MAP3K15: variants seen among roughly 807,000 people sequenced by gnomAD.
The protein encoded by MAP3K15 is MAPK/ERK kinase kinase 15.
A neutral mutation model predicts 99.5 loss-of-function variants in MAP3K15; 124 were observed. The observed-to-expected ratio is 1.25, with a 90% CI of 1.08 to 1.45. MAP3K15 has a LOEUF of 1.45. Ranked by LOEUF, MAP3K15 falls within the 40% of genes most tolerant of loss-of-function variation. MAP3K15 has a pLI of 0.00. For synonymous variants in MAP3K15, 494 were observed against 439.6 expected, an observed-to-expected ratio of 1.12 and a Z score of -1.55; for missense variants, 1,242 against 1,079.7, an observed-to-expected ratio of 1.15 and a Z score of -2.11.
At chrX:19,468,661 T>C (rs1284812979) in intron 3 of MAP3K15, among the ~76,000 whole-genome samples, 3 of 111,897 alleles carry the variant, frequency 2.7e-5, no homozygotes, top group Admixed American at 9.5e-5. Flanking sequence ...AAGAAAGTCA[T>C]TGGTAGCTTG....
intron 3 of MAP3K15, among the ~76,000 whole-genome samples, chrX:19,474,282 T>C (rs1186532574): frequency 9.0e-6 from 1 of 111,075 alleles, no homozygotes; most frequent in Non-Finnish European, 1.9e-5. Context: ...AACTCAAGCA[T>C]AGCAATGTAG....
At chrX:19,435,361 G>A (rs1372745801) in intron 6 of MAP3K15, among the ~76,000 whole-genome samples, 3 of 110,269 alleles carry the variant, frequency 2.7e-5, no homozygotes, top group Non-Finnish European at 3.8e-5. Context: ...AAGTAGCTGT[G>A]ACTACAGGCA....
At chrX:19,387,462 C>T (rs973202630) in intron 18 of MAP3K15, among the ~76,000 whole-genome samples, 10 of 112,160 alleles carry the variant, frequency 8.9e-5, no homozygotes, top group African/African-American at 2.9e-4. Flanking sequence ...TTATGACTCA[C>T]TGCAGCCTCA....
Position 19,361,345 on chromosome X carries a change from C to T in MAP3K15, c.3851G>A (p.Arg1284Gln), listed in dbSNP as rs2063284686. The change falls in exon 28 of 29, where the codon CGA (arginine) becomes CAA (glutamine). Residue 1284 changes from arginine to glutamine, a missense_variant. By Grantham distance (43) the Arg-to-Gln change is conservative. Transcript: ENST00000338883. ...EITKEDLRYLRLRGGLLCRLW... is the reference protein window; with the variant it reads ...EITKEDLRYLQLRGGLLCRLW... Reference sequence around the variant, plus strand: ...ACTGTTTTGAGGCTCTTACCGTAGTCGAAGGTATCTTAGATCTTCCTTAGT... The same window carrying T: ...ACTGTTTTGAGGCTCTTACCGTAGTTGAAGGTATCTTAGATCTTCCTTAGT... 8 of 1,201,981 alleles carry T rather than the reference C, an allele frequency of 6.7e-6. No homozygotes were observed. The highest frequency in any genetic ancestry group is 3.6e-5 in the South Asian group (2 of 56,240).
At chrX:19,482,252 A>G (rs1231188075) in intron 3 of MAP3K15, 2 of 106,912 alleles carry the variant, frequency 1.9e-5, no homozygotes, top group Non-Finnish European at 3.9e-5. Context: ...ATCCAAGAGG[A>G]AAAAAAAAAT....
At chrX:19,378,767 G>A (rs867947712) in intron 19 of MAP3K15, among the ~76,000 whole-genome samples, 4 of 111,712 alleles carry the variant, frequency 3.6e-5, no homozygotes, top group Admixed American at 9.5e-5. Context: ...TCAGCTTCCC[G>A]TGAGGTCACA....
At chrX:19,407,342 CA>C in intron 12 of MAP3K15, 59 bp from the exon 13 acceptor site, 1 of 624,526 alleles carries the variant, frequency 1.6e-6, no homozygotes, top group African/African-American at 2.3e-5. Context: ...TCTAAATCTG[CA>C]AGACAATCTT....
At chrX:19,460,626 T>C (rs1053647349) in intron 4 of MAP3K15, among the ~76,000 whole-genome samples, 3 of 111,416 alleles carry the variant, frequency 2.7e-5, no homozygotes, top group African/African-American at 9.8e-5. Flanking sequence ...CCAATTGAGG[T>C]GAGGGCTGGA....
intron 9 of MAP3K15, among the ~76,000 whole-genome samples, chrX:19,417,825 G>T (rs1362015323): frequency 1.8e-5 from 2 of 111,771 alleles, no homozygotes; most frequent in Non-Finnish European, 3.8e-5. Context: ...ACACGGCTGG[G>T]TACTCCTCTG....
chrX:19,486,389 T>C, intron 3 of MAP3K15, 93 bp downstream of exon 3: 1 of 376,493 alleles, frequency 2.7e-6, no homozygotes. Flanking sequence ...TTAGAAGTCA[T>C]CTTGCTACCT....
intron 9 of MAP3K15, among the ~76,000 whole-genome samples, chrX:19,422,570 AC>A (rs2063796318): frequency 8.9e-6 from 1 of 111,949 alleles, no homozygotes; most frequent in Admixed American, 9.5e-5. Context: ...ACACTTTTAC[AC>A]TGTTGGTGGG....
chrX:19,388,714 G>A (rs1248226216), intron 18 of MAP3K15, among the ~76,000 whole-genome samples: 1 of 111,848 alleles, frequency 8.9e-6, no homozygotes, highest in Non-Finnish European at 1.9e-5. Flanking sequence ...CTAGCAAGTG[G>A]TTGGGCCAGG....
At chrX:19,386,854 C>A (rs1036217160) in intron 18 of MAP3K15, among the ~76,000 whole-genome samples, 1 of 110,829 alleles carries the variant, frequency 9.0e-6, no homozygotes, top group African/African-American at 3.3e-5. Flanking sequence ...GAGAGCTATG[C>A]TGGGCTGCCT....
At chrX:19,421,543 C>T (rs989136188) in intron 9 of MAP3K15, among the ~76,000 whole-genome samples, 5 of 110,516 alleles carry the variant, frequency 4.5e-5, no homozygotes, top group Non-Finnish European at 7.5e-5. Context: ...TACAAGGAAA[C>T]GGAAGAACTT....
chrX:19,434,576 C>A (rs1441831248), intron 6 of MAP3K15, among the ~76,000 whole-genome samples: 1 of 111,203 alleles, frequency 9.0e-6, no homozygotes, highest in Non-Finnish European at 1.9e-5. Context: ...TGAGGACATG[C>A]ACCTCAAAAA....
intron 14 of MAP3K15, among the ~76,000 whole-genome samples, chrX:19,399,345 C>T (rs1602272355): frequency 9.1e-6 from 1 of 110,217 alleles, no homozygotes; most frequent in Admixed American, 9.7e-5. Flanking sequence ...AGTAGACCAC[C>T]TGAGGTCAGG....
At position 19,483,009 on chromosome X, in the gene MAP3K15, G is replaced by A. The variant is rs952331145; in HGVS notation, c.525+3473C>T. 3.6e-5 allele frequency among the ~76,000 whole-genome samples: 4 copies of A among 110,393 alleles called. No homozygotes were observed. The East Asian group carries it at 1.1e-3, about 31-fold the overall frequency. On this transcript the variant is annotated intron_variant, in intron 3 of 28. Coordinates refer to ENST00000338883, the MANE Select transcript of MAP3K15 (RefSeq NM_001001671.4). ...GTGATCTGTAATCCCAGCTCTTTGG[G>A]AGGCCAACGCGGGCGGATCATCTGA... is the stretch of plus-strand genomic sequence containing the variant.
intron 4 of MAP3K15, among the ~76,000 whole-genome samples, chrX:19,460,816 C>T (rs1340533517): frequency 3.7e-5 from 4 of 108,882 alleles, no homozygotes; most frequent in Admixed American, 2.9e-4. Flanking sequence ...CCTCTGTTGC[C>T]CAGGCTGGAG....
rs368232661 is a variant in MAP3K15, at chrX:19,459,949, T to C, written c.888+36A>G. The C allele has an allele frequency of 1.4e-4, 152 of 1,075,594 alleles. No individual in the cohort carries two copies. The African/African-American group carries it at 2.7e-3, about 19-fold the overall frequency. 88.6% of individuals were successfully genotyped at this position (1,075,594 alleles called of 1,213,427 possible). On this transcript the variant is annotated intron_variant, in intron 5 of 28. Coordinates refer to ENST00000338883, the MANE Select transcript of MAP3K15 (RefSeq NM_001001671.4). ...ACGTTCCTCAAGCCAAGGAAGAACG[T>C]AGCATACGTGAGCCTCGGCTAGGTG...
Sources: allele counts gnomAD v4.1 joint callset (sites outside exome capture counted in the v4.1 genomes callset), GRCh38; gene constraint gnomAD v4.1.1; transcripts MANE v1.5; gene names NCBI Gene and HGNC (gene_info 2026-07-23, HGNC 2026-07-21).